LTBP1: variants seen among roughly 807,000 people sequenced by gnomAD.
LTBP1 encodes latent-transforming growth factor beta-binding protein 1.
LTBP1 carries 129 observed loss-of-function variants against 207.6 expected under a neutral mutation model. The ratio of observed to expected loss-of-function variants is 0.62; its 90% confidence interval spans 0.54 to 0.72. LTBP1 has a LOEUF of 0.72. LTBP1 is among the 30% of genes least tolerant of loss of function. The pLI, the probability that LTBP1 is intolerant of heterozygous loss-of-function variation, is 0.00. For synonymous variants in LTBP1, 963 were observed against 833.7 expected, an observed-to-expected ratio of 1.16 and a Z score of -2.67; for missense variants, 2,281 against 2,217.2, an observed-to-expected ratio of 1.03 and a Z score of -0.58.
At chr2:33,036,319 C>G (rs540705845) in intron 3 of LTBP1, among the ~76,000 whole-genome samples, 29 of 152,172 alleles carry the variant, frequency 1.9e-4, no homozygotes, top group Non-Finnish European at 3.2e-4. Context: ...ACTTTGAGAA[C>G]CACTGATTAA....
intron 26 of LTBP1, among the ~76,000 whole-genome samples, chr2:33,354,916 A>AT (rs1174576705): frequency 1.3e-5 from 2 of 151,884 alleles, no homozygotes; most frequent in East Asian, 3.9e-4. Flanking sequence ...CGTTTTTAAA[A>AT]TTTTTTTGTA....
chr2:33,173,834 T>C (rs2085731420), intron 5 of LTBP1, among the ~76,000 whole-genome samples: 1 of 145,378 alleles, frequency 6.9e-6, no homozygotes, highest in African/African-American at 2.5e-5. Flanking sequence ...ATCCCTGGGA[T>C]GCAAGGCTGG....
intron 3 of LTBP1, among the ~76,000 whole-genome samples, chr2:33,068,449 A>G (rs953506750): frequency 1.3e-5 from 2 of 152,070 alleles, no homozygotes; most frequent in African/African-American, 4.8e-5. Context: ...ACTCATCATC[A>G]TCGTCCAGAG....
intron 2 of LTBP1, among the ~76,000 whole-genome samples, chr2:32,972,361 T>C (rs1681032209): frequency 6.6e-6 from 1 of 152,126 alleles, no homozygotes; most frequent in Non-Finnish European, 1.5e-5. Context: ...TTTGCTTTTG[T>C]TTTTCTAGTT....
At chr2:33,297,579 G>A (rs968637478) in intron 20 of LTBP1, among the ~76,000 whole-genome samples, 3 of 151,904 alleles carry the variant, frequency 2.0e-5, no homozygotes, top group East Asian at 1.9e-4. Flanking sequence ...CTACAGGCAC[G>A]TGCCATCACA....
intron 3 of LTBP1, among the ~76,000 whole-genome samples, chr2:33,059,382 C>T (rs1185028145): frequency 6.6e-6 from 1 of 152,086 alleles, no homozygotes; most frequent in Non-Finnish European, 1.5e-5. Flanking sequence ...GTAATGAGAC[C>T]CATAAATCAA....
intron 6 of LTBP1, among the ~76,000 whole-genome samples, chr2:33,187,560 C>A (rs2087346544): frequency 6.6e-6 from 1 of 152,112 alleles, no homozygotes; most frequent in South Asian, 2.1e-4. Flanking sequence ...AACTAGGTCA[C>A]TTGGAGCTCA....
In LTBP1 at chr2:32,974,302, AGAT is replaced by A. The variant is rs550333553; in HGVS notation, c.565+25361_565+25363del. On this transcript the variant is annotated intron_variant, in intron 2 of 33. Transcript: ENST00000404816. ...TCATATAAGCCATTTAACTGGGGTG[AGAT>A]GATATCTCATTGTAGTTTTGATTAG... Among the ~76,000 whole-genome samples the A allele has an allele frequency of 1.7e-3, 257 of 152,302 alleles. 1 individual carries two copies. Among genetic ancestry groups the A allele is most frequent in the Admixed American group, 2.4e-3 (37 of 15,310 alleles).
chr2:33,205,655 C>T (rs72858011), intron 7 of LTBP1, among the ~76,000 whole-genome samples: 7,755 of 152,224 alleles, frequency 0.051, 663 homozygotes, highest in African/African-American at 0.18. Context: ...TTTCCCATAG[C>T]CCCCTGTTCA....
intron 2 of LTBP1, among the ~76,000 whole-genome samples, chr2:32,982,127 A>T (rs1398686068): frequency 6.6e-6 from 1 of 152,206 alleles, no homozygotes; most frequent in Non-Finnish European, 1.5e-5. Flanking sequence ...GGCTTTGACC[A>T]AAATGCTAAT....
chr2:33,149,395 A>G (rs79577213), intron 5 of LTBP1, among the ~76,000 whole-genome samples: 5,704 of 152,036 alleles, frequency 0.038, 401 homozygotes, highest in African/African-American at 0.13. Flanking sequence ...CCTGTTTCCT[A>G]TTTTGTCCAG....
At chr2:33,253,344 A>G (rs544769189) in intron 11 of LTBP1, among the ~76,000 whole-genome samples, 15 of 152,344 alleles carry the variant, frequency 9.8e-5, no homozygotes, top group Admixed American at 8.5e-4. Context: ...GAACTTGCCA[A>G]AACTCCTGAA....
At chr2:33,392,475 G>T (rs1217279886) in intron 32 of LTBP1, among the ~76,000 whole-genome samples, 1 of 152,174 alleles carries the variant, frequency 6.6e-6, no homozygotes, top group Admixed American at 6.5e-5. Context: ...GTGAGACACC[G>T]CACCGAGCCC....
intron 2 of LTBP1, among the ~76,000 whole-genome samples, chr2:33,007,988 C>G (rs2045106): frequency 0.28 from 42,647 of 152,172 alleles, 6,701 homozygotes; most frequent in East Asian, 0.68. Flanking sequence ...TGGCTTTAGC[C>G]ACTATATGAC....
chr2:33,268,872 T>G (rs2093249362), intron 15 of LTBP1, among the ~76,000 whole-genome samples: 1 of 152,172 alleles, frequency 6.6e-6, no homozygotes, highest in Non-Finnish European at 1.5e-5. Context: ...GAAATTATTC[T>G]TTGACTGAGT....
chr2:33,103,368 TTGTC>T lies in LTBP1; in HGVS notation c.864-7210_864-7207del, dbSNP rs553618460. Among the ~76,000 whole-genome samples the T allele has an allele frequency of 1.8e-4, 27 of 152,212 alleles. No homozygotes were observed. In the East Asian group the frequency reaches 4.6e-3, roughly 26 times the overall value. ...ATGCATAGCCTGTATGCCGTATACA[TTGTC>T]TGTACGCATAGTCTGTATGCTGTAT... is the stretch of plus-strand genomic sequence containing the variant. On this transcript the variant is annotated intron_variant, in intron 3 of 33. Transcript: ENST00000404816.
At chr2:33,243,598 GTA>G in intron 9 of LTBP1, 62 bp from the exon 10 acceptor site, 1 of 1,544,082 alleles carries the variant, frequency 6.5e-7, no homozygotes, top group Non-Finnish European at 8.9e-7. Flanking sequence ...TGAATGCAAT[GTA>G]TAGCCAGAAT....
intron 5 of LTBP1, among the ~76,000 whole-genome samples, chr2:33,137,940 G>C (rs527739491): frequency 2.4e-4 from 37 of 152,280 alleles, no homozygotes; most frequent in Non-Finnish European, 4.0e-4. Context: ...GTTGTGTCTT[G>C]TGGGAAGGCT....
chr2:33,330,906 T>C (rs1055561202), intron 24 of LTBP1, among the ~76,000 whole-genome samples: 3 of 151,864 alleles, frequency 2.0e-5, no homozygotes, highest in African/African-American at 7.2e-5. Context: ...TTTGTGCCTA[T>C]GCATTATAAA....
Sources: gnomAD v4.1 joint callset for allele counts (sites outside exome capture counted in the v4.1 genomes callset) on GRCh38, gnomAD v4.1.1 for gene constraint, MANE v1.5 for transcripts, NCBI Gene and HGNC (gene_info 2026-07-23, HGNC 2026-07-21) for gene names.